Variants in SLC24A2 observed in about 807,000 individuals in gnomAD.
SLC24A2 encodes the protein solute carrier family 24 member 2.
In SLC24A2, 36 loss-of-function variants were observed where a neutral mutation model predicts 62.0. The ratio of observed to expected loss-of-function variants is 0.58; its 90% confidence interval spans 0.44 to 0.77. The LOEUF is 0.77. Among genes scored for constraint, SLC24A2 ranks in the 30% least tolerant of loss-of-function variants. The pLI is 0.00. For synonymous variants in SLC24A2, 358 were observed against 294.0 expected, an observed-to-expected ratio of 1.22 and a Z score of -2.23; for missense variants, 846 against 817.9, an observed-to-expected ratio of 1.03 and a Z score of -0.42.
the SLC24A2 span, among the ~76,000 whole-genome samples, chr9:20,158,245 T>C: frequency 6.6e-6 from 1 of 151,694 alleles, no homozygotes; most frequent in African/African-American, 2.4e-5. Context: ...CAAGGAAGAA[T>C]AGATTAAAAT....
intron 2 of SLC24A2, among the ~76,000 whole-genome samples, chr9:19,744,399 G>A (rs1309264242): frequency 6.6e-6 from 1 of 152,080 alleles, no homozygotes; most frequent in African/African-American, 2.4e-5. Flanking sequence ...AGCATCTTCA[G>A]TTCTTCTCTA....
At chr9:20,127,138 T>TGTATCCA in the SLC24A2 span, among the ~76,000 whole-genome samples, 116 of 152,198 alleles carry the variant, frequency 7.6e-4, no homozygotes, top group Non-Finnish European at 1.3e-4. Context: ...CATTTTCTGT[T>TGTATCCA]GTATCCAGAC....
At chr9:20,165,685 G>C in the SLC24A2 span, among the ~76,000 whole-genome samples, 1 of 151,868 alleles carries the variant, frequency 6.6e-6, no homozygotes, top group Non-Finnish European at 1.5e-5. Flanking sequence ...AGTTGTATAA[G>C]TACTAGAACA....
the SLC24A2 span, among the ~76,000 whole-genome samples, chr9:20,078,925 CT>C: frequency 6.6e-6 from 1 of 152,168 alleles, no homozygotes; most frequent in African/African-American, 2.4e-5. Flanking sequence ...ATATTCATGT[CT>C]TAGAACACTA....
At chr9:20,239,860 G>A in the SLC24A2 span, among the ~76,000 whole-genome samples, 1 of 146,698 alleles carries the variant, frequency 6.8e-6, no homozygotes, top group Non-Finnish European at 1.5e-5. Context: ...AAATGCTTGA[G>A]TTTCCTTGCC....
chr9:20,173,746 A>G, the SLC24A2 span, among the ~76,000 whole-genome samples: 4 of 152,124 alleles, frequency 2.6e-5, no homozygotes, highest in African/African-American at 9.6e-5. Context: ...CATAGGTAGA[A>G]TCAACACAGT....
rs778878775 is a variant in SLC24A2 at position 19,511,621 on chromosome 9, T to C, written c.*4532A>G. On this transcript the variant is annotated 3_prime_UTR_variant, in exon 11 of 11. Coordinates refer to ENST00000341998, the MANE Select transcript of SLC24A2 (RefSeq NM_020344.4). ...GAAGACAGTATTGTTGAGACAGGTA[T>C]AGGGGTTGAGGAGGTATCTTTTAAA... 2 of 152,106 alleles carry C rather than the reference T, an allele frequency of 1.3e-5. No homozygotes were observed. The highest frequency in any genetic ancestry group is 2.4e-5 in the African/African-American group (1 of 41,396). The allele number at this position is 152,106 out of a possible 1,614,324, so 9.4% of individuals were successfully genotyped here.
the SLC24A2 span, among the ~76,000 whole-genome samples, chr9:20,206,960 C>T: frequency 6.6e-6 from 1 of 151,728 alleles, no homozygotes; most frequent in Non-Finnish European, 1.5e-5. Context: ...GAACTGTTGA[C>T]TTATGCCATT....
the SLC24A2 span, among the ~76,000 whole-genome samples, chr9:19,948,653 C>T: frequency 4.0e-5 from 6 of 151,584 alleles, no homozygotes; most frequent in Admixed American, 6.6e-5. Flanking sequence ...GTCAGGAGAT[C>T]GAGACCACGG....
the SLC24A2 span, among the ~76,000 whole-genome samples, chr9:20,201,839 T>A: frequency 1.3e-5 from 2 of 152,204 alleles, no homozygotes; most frequent in African/African-American, 4.8e-5. Context: ...TTTCCCACCA[T>A]TTTCAACTTC....
the SLC24A2 span, among the ~76,000 whole-genome samples, chr9:20,177,849 A>G: frequency 1.3e-5 from 2 of 152,172 alleles, no homozygotes; most frequent in Non-Finnish European, 2.9e-5. Context: ...AGAAATAAGC[A>G]TCTCTCTTTT....
At chr9:20,209,373 GTTT>G in the SLC24A2 span, among the ~76,000 whole-genome samples, 1 of 152,132 alleles carries the variant, frequency 6.6e-6, no homozygotes, top group African/African-American at 2.4e-5. Context: ...AAACTACTTG[GTTT>G]TTTATTTCCC....
chr9:20,097,514 CT>C, the SLC24A2 span, among the ~76,000 whole-genome samples: 1 of 152,146 alleles, frequency 6.6e-6, no homozygotes, highest in Non-Finnish European at 1.5e-5. Context: ...ACTTTGAGAT[CT>C]CTGGTGATAT....
chr9:20,282,353 T>C, the SLC24A2 span, among the ~76,000 whole-genome samples: 1 of 152,162 alleles, frequency 6.6e-6, no homozygotes, highest in Non-Finnish European at 1.5e-5. Context: ...AGTGAGTACT[T>C]TTTCTAATTT....
the SLC24A2 span, among the ~76,000 whole-genome samples, chr9:20,044,271 A>G: frequency 6.6e-6 from 1 of 152,222 alleles, no homozygotes; most frequent in Non-Finnish European, 1.5e-5. Flanking sequence ...GACTTGCTTT[A>G]TTGTGATGGT....
intron 2 of SLC24A2, among the ~76,000 whole-genome samples, chr9:19,636,397 C>CTCTCTA (rs1192453937): frequency 2.4e-5 from 2 of 81,980 alleles, no homozygotes; most frequent in Non-Finnish European, 4.6e-5. Context: ...CTCCCTCTCT[C>CTCTCTA]TCTCTCTCTC....
chr9:19,850,478 T>A, the SLC24A2 span, among the ~76,000 whole-genome samples: 1 of 152,206 alleles, frequency 6.6e-6, no homozygotes, highest in South Asian at 2.1e-4. Flanking sequence ...TGAGGTATAA[T>A]TTACATATCA....
At chr9:20,170,317 G>T in the SLC24A2 span, among the ~76,000 whole-genome samples, 1 of 152,070 alleles carries the variant, frequency 6.6e-6, no homozygotes, top group South Asian at 2.1e-4. Context: ...TTCTGCAGAA[G>T]GGTAGCACTC....
chr9:19,652,999 T>C lies in SLC24A2; in HGVS notation c.931-30700A>G, dbSNP rs548188146. 2.0e-5 allele frequency among the ~76,000 whole-genome samples: 3 copies of C among 152,318 alleles called. No homozygotes were observed. In the South Asian group the frequency reaches 6.2e-4, roughly 32 times the overall value. ...GCCAAGGAAAAGGCAACCCTTCCCA[T>C]AGGGCATCTTACTTGGCTTTGGTTT... On this transcript the variant is annotated intron_variant, in intron 2 of 10. Transcript: ENST00000341998.
Sources: allele counts gnomAD v4.1 joint callset (sites outside exome capture counted in the v4.1 genomes callset), GRCh38; gene constraint gnomAD v4.1.1; transcripts MANE v1.5; gene names NCBI Gene and HGNC (gene_info 2026-07-23, HGNC 2026-07-21).